Variants in IL1RAPL1 observed in about 807,000 individuals in gnomAD.
The protein encoded by IL1RAPL1 is interleukin-1 receptor accessory protein-like 1.
A neutral mutation model predicts 48.4 loss-of-function variants in IL1RAPL1; 3 were observed. That is an observed-to-expected ratio of 0.06 (90% CI 0.03 to 0.16). IL1RAPL1 has a LOEUF of 0.16. Ranked by LOEUF, IL1RAPL1 falls within the 10% of genes least tolerant of loss-of-function variation. IL1RAPL1 has a pLI of 1.00. For missense variants in IL1RAPL1, 349 were observed against 530.6 expected (o/e 0.66, Z 3.36); for synonymous variants, 185 against 187.7 (o/e 0.99, Z 0.12).
intron 2 of IL1RAPL1, among the ~76,000 whole-genome samples, chrX:29,204,952 C>T (rs912619252): frequency 3.6e-5 from 4 of 111,733 alleles, no homozygotes; most frequent in African/African-American, 9.8e-5. Flanking sequence ...CTCTAAGAAA[C>T]GGAGGTTTGG....
chrX:28,639,103 A>C (rs1934502501), intron 1 of IL1RAPL1, among the ~76,000 whole-genome samples: 1 of 112,000 alleles, frequency 8.9e-6, no homozygotes, highest in Non-Finnish European at 1.9e-5. Context: ...AGATTGAAAG[A>C]TACATAAAAC....
rs1035059286 is a variant in IL1RAPL1, at chrX:29,951,441, C to T, written c.1202-3081C>T. On this transcript the variant is annotated intron_variant, in intron 9 of 10. Transcript: ENST00000378993. The stretch of plus-strand genomic sequence containing the variant: ...GTAGCCACAGATATTTTTTAAGCCA[C>T]CATAACACATGATCAGTGGTAAGGT... Among the ~76,000 whole-genome samples, 19 of 111,532 alleles carry T rather than the reference C, an allele frequency of 1.7e-4. No homozygotes were observed. In the Admixed American group the frequency reaches 1.8e-3, roughly 11 times the overall value.
chrX:29,170,219 C>A (rs1412457467), intron 2 of IL1RAPL1, among the ~76,000 whole-genome samples: 1 of 111,396 alleles, frequency 9.0e-6, no homozygotes, highest in African/African-American at 3.2e-5. Flanking sequence ...TAGAGAATTC[C>A]CCTTTCAATT....
chrX:29,776,617 A>G (rs912619536), intron 6 of IL1RAPL1, among the ~76,000 whole-genome samples: 30 of 111,905 alleles, frequency 2.7e-4, no homozygotes, highest in Admixed American at 4.8e-4. Flanking sequence ...GCTTCCTGGA[A>G]CTGAGGCAAT....
At chrX:29,905,690 CA>C (rs1263351944) in intron 6 of IL1RAPL1, among the ~76,000 whole-genome samples, 1 of 111,266 alleles carries the variant, frequency 9.0e-6, no homozygotes, top group African/African-American at 3.3e-5. Flanking sequence ...GGAGAGTGTT[CA>C]TAAAATCCTT....
intron 2 of IL1RAPL1, among the ~76,000 whole-genome samples, chrX:29,152,864 C>T (rs190404082): frequency 8.9e-6 from 1 of 112,188 alleles, no homozygotes; most frequent in African/African-American, 3.2e-5. Flanking sequence ...GATAAGATAA[C>T]TAATAATTCT....
intron 6 of IL1RAPL1, among the ~76,000 whole-genome samples, chrX:29,816,616 A>G (rs1018748221): frequency 2.7e-5 from 3 of 111,127 alleles, no homozygotes; most frequent in African/African-American, 9.8e-5. Context: ...TGGTGAAGAC[A>G]CAACAAAAAA....
At chrX:29,693,977 A>G (rs1245780871) in intron 6 of IL1RAPL1, among the ~76,000 whole-genome samples, 1 of 111,837 alleles carries the variant, frequency 8.9e-6, no homozygotes, top group Non-Finnish European at 1.9e-5. Context: ...TCGGTTAAGT[A>G]GCACTATTCA....
At chrX:29,022,079 C>T (rs935152460) in intron 2 of IL1RAPL1, among the ~76,000 whole-genome samples, 7 of 111,569 alleles carry the variant, frequency 6.3e-5, no homozygotes, top group Admixed American at 9.6e-5. Flanking sequence ...ATTTTTTCTC[C>T]GTATTCCATT....
rs771875688 is a variant in IL1RAPL1 at position 28,810,593 on chromosome X, C to T, written c.82+21168C>T. On this transcript the variant is annotated intron_variant, in intron 2 of 10. Transcript: ENST00000378993. Reference sequence around the variant, plus strand: ...CCAGAAGTCTTATTTGCAATATGGGCATGACACTGCAGCAAATTTAAAATC... The same window carrying T: ...CCAGAAGTCTTATTTGCAATATGGGTATGACACTGCAGCAAATTTAAAATC... 1.9e-3 allele frequency among the ~76,000 whole-genome samples: 215 copies of T among 110,558 alleles called. 1 individual carries two copies. Among genetic ancestry groups the T allele is most frequent in the Admixed American group, 3.7e-3 (38 of 10,370 alleles).
chrX:29,113,392 G>A (rs1456535352), intron 2 of IL1RAPL1, among the ~76,000 whole-genome samples: 1 of 111,522 alleles, frequency 9.0e-6, no homozygotes, highest in East Asian at 2.8e-4. Flanking sequence ...TTCTTCAAGT[G>A]TGTCTCAGCT....
chrX:28,771,495 A>G (rs950788028), intron 1 of IL1RAPL1, among the ~76,000 whole-genome samples: 5 of 111,313 alleles, frequency 4.5e-5, no homozygotes, highest in Admixed American at 9.6e-5. Context: ...GGCCGGAAAA[A>G]CAAGAATGGA....
intron 2 of IL1RAPL1, among the ~76,000 whole-genome samples, chrX:29,245,627 G>T (rs1199503894): frequency 8.9e-6 from 1 of 111,756 alleles, no homozygotes; most frequent in Non-Finnish European, 1.9e-5. Flanking sequence ...GGGGTTGTTT[G>T]TTTTTCTCTT....
At chrX:29,681,002 A>G (rs976780301) in intron 6 of IL1RAPL1, among the ~76,000 whole-genome samples, 4 of 112,664 alleles carry the variant, frequency 3.6e-5, no homozygotes, top group African/African-American at 1.3e-4. Flanking sequence ...GAGCTAGAGA[A>G]TGGATTATAA....
chrX:28,679,171 C>G (rs1389469076), intron 1 of IL1RAPL1, among the ~76,000 whole-genome samples: 1 of 112,012 alleles, frequency 8.9e-6, no homozygotes, highest in South Asian at 3.6e-4. Context: ...TTTTGATTTG[C>G]ATTTTCCCCA....
At chrX:29,576,247 C>A (rs1262294342) in intron 5 of IL1RAPL1, among the ~76,000 whole-genome samples, 1 of 111,627 alleles carries the variant, frequency 9.0e-6, no homozygotes, top group Non-Finnish European at 1.9e-5. Flanking sequence ...TTTTTTAACA[C>A]CTTCTCCTCC....
At chrX:28,806,704 A>G (rs1392228216) in intron 2 of IL1RAPL1, among the ~76,000 whole-genome samples, 1 of 111,622 alleles carries the variant, frequency 9.0e-6, no homozygotes, top group African/African-American at 3.3e-5. Flanking sequence ...TCCGTGATGA[A>G]CAGTGATGAC....
At chrX:29,564,114 A>T (rs1260076248) in intron 5 of IL1RAPL1, among the ~76,000 whole-genome samples, 1 of 111,732 alleles carries the variant, frequency 8.9e-6, no homozygotes, top group Non-Finnish European at 1.9e-5. Flanking sequence ...TGAGTAAGAG[A>T]CATTACATAA....
intron 3 of IL1RAPL1, among the ~76,000 whole-genome samples, chrX:29,287,113 C>A (rs755521984): frequency 9.0e-6 from 1 of 111,355 alleles, no homozygotes; most frequent in Non-Finnish European, 1.9e-5. Context: ...TCCCAAACCC[C>A]TGTCAACCAC....
Sources: allele counts gnomAD v4.1 joint callset (sites outside exome capture counted in the v4.1 genomes callset), GRCh38; gene constraint gnomAD v4.1.1; transcripts MANE v1.5; gene names NCBI Gene and HGNC (gene_info 2026-07-23, HGNC 2026-07-21).